The following CADM2 variants were observed in gnomAD, a reference collection of about 807,000 sequenced individuals.
CADM2 encodes the protein immunoglobulin superfamily member 4D.
CADM2 carries 12 observed loss-of-function variants against 49.8 expected under a neutral mutation model. The ratio of observed to expected loss-of-function variants is 0.24; its 90% CI spans 0.15 to 0.39. CADM2 has a LOEUF of 0.39. CADM2 is among the 10% of genes least tolerant of loss of function. The probability of loss-of-function intolerance (pLI) is 1.00; values close to 1 mark genes in which losing one functional copy is unlikely to be tolerated. For missense variants in CADM2, 378 were observed against 492.3 expected, an observed-to-expected ratio of 0.77 and a Z score of 2.20; for synonymous variants, 214 against 175.4, an observed-to-expected ratio of 1.22 and a Z score of -1.74.
intron 1 of CADM2, among the ~76,000 whole-genome samples, chr3:85,550,234 A>G (rs4426693): frequency 0.3 from 44,975 of 151,932 alleles, 7,878 homozygotes; most frequent in East Asian, 0.55. Flanking sequence ...GGCTGAAAAG[A>G]TGTGGGGTGC....
intron 6 of CADM2, among the ~76,000 whole-genome samples, chr3:85,927,070 C>T (rs1719968603): frequency 6.6e-6 from 1 of 152,084 alleles, no homozygotes; most frequent in African/African-American, 2.4e-5. Context: ...TTTTGGTATG[C>T]TTTATAAGAG....
intron 1 of CADM2, among the ~76,000 whole-genome samples, chr3:85,453,791 A>G (rs1036134120): frequency 3.3e-5 from 5 of 152,216 alleles, no homozygotes; most frequent in Non-Finnish European, 7.4e-5. Flanking sequence ...TCAAATGATC[A>G]AGTAATTTTG....
chr3:85,068,101 C>T lies in CADM2; in HGVS notation c.61+108433C>T, dbSNP rs865842118. On this transcript the variant is annotated intron_variant, in intron 1 of 9. Coordinates refer to ENST00000383699, the MANE Select transcript of CADM2 (RefSeq NM_001167675.2). ...CTGTTTCTCTAGACACTATTTTTAA[C>T]GCAGACTTTAGAGAATCATTTCCAT... is the stretch of plus-strand genomic sequence containing the variant. 8.5e-5 allele frequency among the ~76,000 whole-genome samples: 13 copies of T among 152,216 alleles called. 1 individual carries two copies. The Middle Eastern group carries it at 0.017, about 199-fold the overall frequency.
intron 3 of CADM2, among the ~76,000 whole-genome samples, chr3:85,810,747 C>T (rs1314045404): frequency 2.0e-5 from 3 of 151,798 alleles, no homozygotes; most frequent in Non-Finnish European, 4.4e-5. Flanking sequence ...ACCATGTTGA[C>T]CACGCTGGTC....
At chr3:85,470,771 A>G (rs2038731461) in intron 1 of CADM2, among the ~76,000 whole-genome samples, 1 of 152,160 alleles carries the variant, frequency 6.6e-6, no homozygotes. Flanking sequence ...AAACCAAGAA[A>G]CTCAGACATA....
At chr3:85,212,478 A>C (rs915163965) in intron 1 of CADM2, among the ~76,000 whole-genome samples, 6 of 152,082 alleles carry the variant, frequency 3.9e-5, no homozygotes, top group Non-Finnish European at 7.4e-5. Context: ...GAGGATTACA[A>C]GTAATATCTT....
intron 8 of CADM2, among the ~76,000 whole-genome samples, chr3:86,043,426 T>G (rs1310592354): frequency 1.3e-5 from 2 of 152,194 alleles, no homozygotes; most frequent in Non-Finnish European, 2.9e-5. Context: ...AGCATTCTTA[T>G]ACACCAATAG....
At chr3:86,026,093 T>C (rs1232100939) in intron 8 of CADM2, among the ~76,000 whole-genome samples, 2 of 152,194 alleles carry the variant, frequency 1.3e-5, no homozygotes, top group African/African-American at 2.4e-5. Flanking sequence ...GGGAATGTGC[T>C]GTTTTGCACA....
At chr3:85,767,696 TAAATTTTCAGATCCA>T (rs2069727132) in intron 2 of CADM2, among the ~76,000 whole-genome samples, 1 of 152,098 alleles carries the variant, frequency 6.6e-6, no homozygotes, top group African/African-American at 2.4e-5. Flanking sequence ...AGAAACAATT[TAAATTTTCAGATCCA>T]AAATTCCATA....
intron 1 of CADM2, among the ~76,000 whole-genome samples, chr3:85,581,861 T>C (rs2062808972): frequency 6.6e-6 from 1 of 152,162 alleles, no homozygotes; most frequent in African/African-American, 2.4e-5. Flanking sequence ...GTTTTAAATA[T>C]ATAATGTGGT....
At chr3:85,673,052 A>C (rs2065788674) in intron 1 of CADM2, among the ~76,000 whole-genome samples, 1 of 152,214 alleles carries the variant, frequency 6.6e-6, no homozygotes, top group South Asian at 2.1e-4. Context: ...TGCTGGGACT[A>C]AACTAGTAGC....
chr3:85,703,256 G>A (rs2107714740), intron 1 of CADM2, among the ~76,000 whole-genome samples: 1 of 152,182 alleles, frequency 6.6e-6, no homozygotes, highest in East Asian at 1.9e-4. Flanking sequence ...TGCCATTCAG[G>A]TGATTAGCAG....
chr3:85,206,160 A>C lies in CADM2; in HGVS notation c.61+246492A>C, dbSNP rs117848234. ...GCTTTTTTTTTGTTTGTTACAGATA[A>C]TACTACTTAATTTTATTAATCTCAC... On this transcript the variant is annotated intron_variant, in intron 1 of 9. Coordinates refer to ENST00000383699, the MANE Select transcript of CADM2 (RefSeq NM_001167675.2). Among the ~76,000 whole-genome samples, 156 of 152,220 alleles carry C rather than the reference A, an allele frequency of 1.0e-3. No individual in the cohort carries two copies. In the East Asian group the frequency reaches 0.011, roughly 10 times the overall value.
chr3:85,398,050 C>G (rs983670881), intron 1 of CADM2, among the ~76,000 whole-genome samples: 7 of 151,862 alleles, frequency 4.6e-5, no homozygotes, highest in Non-Finnish European at 8.8e-5. Flanking sequence ...TACATGTGCA[C>G]AACGTGCAGG....
rs114371198 is a variant in CADM2 at position 85,815,094 on chromosome 3, G to A, written c.238+12898G>A. 2.5e-3 allele frequency among the ~76,000 whole-genome samples: 381 copies of A among 152,208 alleles called. 1 individual carries two copies. The highest frequency in any genetic ancestry group is 8.8e-3 in the African/African-American group (367 of 41,536). ...ACCAATAACAATTTGTGAAATTGAG[G>A]CAGTAATGGATAGCCTACAAACTGA... On this transcript the variant is annotated intron_variant, in intron 3 of 9. Coordinates refer to ENST00000383699, the MANE Select transcript of CADM2 (RefSeq NM_001167675.2).
chr3:86,048,335 T>A (rs1486033575), intron 8 of CADM2, among the ~76,000 whole-genome samples: 1 of 151,974 alleles, frequency 6.6e-6, no homozygotes, highest in African/African-American at 2.4e-5. Flanking sequence ...TGATGTTTTG[T>A]AGGAGAAAAA....
At chr3:85,595,147 C>T (rs1340140028) in intron 1 of CADM2, among the ~76,000 whole-genome samples, 2 of 151,980 alleles carry the variant, frequency 1.3e-5, no homozygotes, top group Non-Finnish European at 2.9e-5. Flanking sequence ...TAATGCATTT[C>T]AGTACTGAAG....
At chr3:85,708,541 T>C (rs1460664061) in intron 1 of CADM2, among the ~76,000 whole-genome samples, 1 of 152,204 alleles carries the variant, frequency 6.6e-6, no homozygotes, top group East Asian at 1.9e-4. Flanking sequence ...TCATGGTCCC[T>C]AGGTGAATCC....
chr3:85,337,101 G>A (rs185029207), intron 1 of CADM2, among the ~76,000 whole-genome samples: 1 of 144,164 alleles, frequency 6.9e-6, no homozygotes, highest in Non-Finnish European at 1.5e-5. Context: ...CAATATTTTG[G>A]CCTTCCATCT....
Sources: allele counts gnomAD v4.1 joint callset (sites outside exome capture counted in the v4.1 genomes callset), GRCh38; gene constraint gnomAD v4.1.1; transcripts MANE v1.5; gene names NCBI Gene and HGNC (gene_info 2026-07-23, HGNC 2026-07-21).